The following CLPTM1 variants were observed in gnomAD, a reference collection of about 807,000 sequenced individuals.
The protein encoded by CLPTM1 is CLPTM1 regulator of GABA type A receptor forward trafficking.
CLPTM1 carries 21 observed loss-of-function variants against 77.3 expected under a neutral mutation model. The ratio of observed to expected loss-of-function variants is 0.27; its 90% CI spans 0.19 to 0.39. CLPTM1 has a LOEUF of 0.39. CLPTM1 is among the 10% of genes least tolerant of loss of function. The pLI is 1.00. For missense variants in CLPTM1, 642 were observed against 921.2 expected (o/e 0.70, Z 3.92); for synonymous variants, 373 against 381.0 (o/e 0.98, Z 0.24).
intron 3 of CLPTM1, among the ~76,000 whole-genome samples, chr19:44,973,761 G>GTTTTTTTTTGTTTTT (rs1970759149): frequency 1.6e-5 from 1 of 62,458 alleles, no homozygotes; most frequent in Non-Finnish European, 3.9e-5. Flanking sequence ...GTCACAGTGG[G>GTTTTTTTTTGTTTTT]TTTTTTTTTT....
chr19:44,972,473 T>G (rs893982244), intron 2 of CLPTM1, among the ~76,000 whole-genome samples: 1 of 151,954 alleles, frequency 6.6e-6, no homozygotes, highest in Non-Finnish European at 1.5e-5. Context: ...ATGGTCTCAA[T>G]CTCCTGACCT....
intron 2 of CLPTM1, 82 bp from the exon 3 acceptor site, chr19:44,973,005 G>T: frequency 6.4e-7 from 1 of 1,569,000 alleles, no homozygotes; most frequent in Non-Finnish European, 8.7e-7. Flanking sequence ...GCCAGCATGT[G>T]CTAAGTCAGA....
chr19:44,955,494 G>T, intron 1 of CLPTM1, 27 bp downstream of exon 1: 1 of 1,279,258 alleles, frequency 7.8e-7, no homozygotes. Flanking sequence ...GGGACTGAGG[G>T]GGTTCTTCCC....
rs747351554 is a variant in CLPTM1, at chr19:44,990,987, G to A, written c.1419+42G>A. 6 of 1,334,736 alleles carry A rather than the reference G, an allele frequency of 4.5e-6. No homozygotes were observed. Among genetic ancestry groups the A allele is most frequent in the Non-Finnish European group, 6.0e-6 (6 of 1,000,672 alleles). 82.7% of individuals were successfully genotyped at this position (1,334,736 alleles called of 1,614,324 possible). On this transcript the variant is annotated intron_variant, in intron 11 of 13. Coordinates refer to ENST00000337392, the MANE Select transcript of CLPTM1 (RefSeq NM_001294.4). The surrounding 1 kb of genome is among the most constrained non-coding windows in gnomAD (Gnocchi z 4.8). ...GTGGGCCCCTGGGGGTGGTCTCCAG[G>A]TACCACGTATCCCTGAGGCACCCGG...
In CLPTM1 at chr19:44,993,201, G is replaced by A; in HGVS notation, c.*304G>A. The A allele has an allele frequency of 1.8e-6, 1 of 561,238 alleles. No individual in the cohort carries two copies. The highest frequency in any genetic ancestry group is 4.2e-4 in the Middle Eastern group (1 of 2,356). 34.8% of individuals were successfully genotyped at this position (561,238 alleles called of 1,614,324 possible). A position where few individuals can be genotyped will look rare whatever the true frequency, so the allele number is the denominator to read the frequency against. The stretch of plus-strand genomic sequence containing the variant: ...CCGAGGGGGTGGGTTGGGCGGGGGT[G>A]GGGCCGGGCCCCCCTACGGGATGCC... On this transcript the variant is annotated 3_prime_UTR_variant, in exon 14 of 14. Transcript: ENST00000337392.
intron 3 of CLPTM1, 41 bp downstream of exon 3, chr19:44,973,251 GTGTGGAGGGGTGGAA>G: frequency 6.2e-7 from 1 of 1,613,082 alleles, no homozygotes; most frequent in South Asian, 1.1e-5. Flanking sequence ...AGGTGATGGG[GTGTGGAGGGGTGGAA>G]TGTGGAGGAG....
At chr19:44,983,999 G>T (rs1172392224) in intron 5 of CLPTM1, among the ~76,000 whole-genome samples, 1 of 152,236 alleles carries the variant, frequency 6.6e-6, no homozygotes, top group African/African-American at 2.4e-5. Context: ...CCAGGGCAGA[G>T]GTTGGGAGAT....
chr19:44,990,705 C>T lies in CLPTM1; in HGVS notation c.1323+120C>T, dbSNP rs1015592340. The T allele has an allele frequency of 1.1e-5, 15 of 1,350,308 alleles. No homozygotes were observed. The Admixed American group carries it at 1.8e-4, about 16-fold the overall frequency. The allele number at this position is 1,350,308 out of a possible 1,614,324, so 83.6% of individuals were successfully genotyped here. A position where few individuals can be genotyped will look rare whatever the true frequency, so the allele number is the denominator to read the frequency against. On this transcript the variant is annotated intron_variant, in intron 10 of 13. Transcript: ENST00000337392. This position sits in a 1 kb window ranked among gnomAD's most constrained non-coding sequence, Gnocchi z 4.8. ...CCCAGCAAGTGCCTCACTCCCAGGA[C>T]TGAGGGGATTTTCTCACCAGGGGAT...
chr19:44,986,366 C>G (rs972023313), intron 6 of CLPTM1, 89 bp from the exon 7 acceptor site: 21 of 1,488,398 alleles, frequency 1.4e-5, no homozygotes, highest in Non-Finnish European at 2.7e-6. Flanking sequence ...AAGATTTTCT[C>G]GGGAACCCTG....
rs141852443 is a variant in CLPTM1, at chr19:44,961,819, C to A, written c.73-144C>A. On this transcript the variant is annotated intron_variant, in intron 1 of 13. Transcript: ENST00000337392. ...CCTAAAAGAAGAGGACCGCACCTTC[C>A]CAGGTGTTTTCACTGATTCATTCTC... 1.2e-5 allele frequency: 6 copies of A among 511,916 alleles called. No individual in the cohort carries two copies. The East Asian group carries it at 2.0e-4, about 17-fold the overall frequency. The allele number at this position is 511,916 out of a possible 1,614,324, so 31.7% of individuals were successfully genotyped here.
At chr19:44,966,537 C>T (rs1020520865) in intron 2 of CLPTM1, among the ~76,000 whole-genome samples, 2 of 152,050 alleles carry the variant, frequency 1.3e-5, no homozygotes, top group African/African-American at 2.4e-5. Flanking sequence ...AGTTAGGAGG[C>T]GGGGGGCAGG....
At chr19:44,968,176 A>G (rs527270836) in intron 2 of CLPTM1, among the ~76,000 whole-genome samples, 1 of 152,330 alleles carries the variant, frequency 6.6e-6, no homozygotes, top group South Asian at 2.1e-4. Context: ...ACTAGGCAGC[A>G]TCAAACATCA....
In CLPTM1 at chr19:44,962,036, C is replaced by G; in HGVS notation, c.146C>G (p.Ala49Gly). The change falls in exon 2 of 14, where the codon GCA becomes GGA. Residue 49 changes from alanine (A) to glycine (G), a missense_variant. Physicochemically the swap from Ala to Gly is moderately conservative, Grantham distance 60. Around this residue, in one of 2 missense-constraint regions of CLPTM1, gnomAD observed 121 missense variants for 120.8 expected, o/e 1.00. Transcript: ENST00000337392. ...TQPQNPPAQPAPNAWQVIKGV... is the reference protein window; with the variant it reads ...TQPQNPPAQPGPNAWQVIKGV... ...CCTCAGAACCCACCGGCCCAGCCGG[C>G]ACCCAATGCCTGGCAGGTCATCAAA... 2.5e-6 allele frequency: 4 copies of G among 1,612,006 alleles called. No individual in the cohort carries two copies. The highest frequency in any genetic ancestry group is 3.4e-6 in the Non-Finnish European group (4 of 1,179,316).
Position 44,990,680 on chromosome 19 carries a change from C to T in CLPTM1, c.1323+95C>T. 1.4e-6 allele frequency: 2 copies of T among 1,443,756 alleles called. No homozygotes were observed. Among genetic ancestry groups the T allele is most frequent in the Non-Finnish European group, 1.9e-6 (2 of 1,042,988 alleles). The allele number at this position is 1,443,756 out of a possible 1,614,324, so 89.4% of individuals were successfully genotyped here. ...CCCTGGAGCTGGCCCCCGGGGGATT[C>T]CCAGCAAGTGCCTCACTCCCAGGAC... On this transcript the variant is annotated intron_variant, in intron 10 of 13. Coordinates refer to ENST00000337392, the MANE Select transcript of CLPTM1 (RefSeq NM_001294.4). This position sits in a 1 kb window ranked among gnomAD's most constrained non-coding sequence, Gnocchi z 4.8.
intron 2 of CLPTM1, among the ~76,000 whole-genome samples, chr19:44,962,526 A>G (rs755198624): frequency 2.0e-5 from 3 of 152,050 alleles, no homozygotes; most frequent in African/African-American, 4.8e-5. Context: ...CTGTGTCTTC[A>G]TGTGGTCTTT....
rs1163782401 is a variant in CLPTM1 at position 44,992,953 on chromosome 19, G to A, written c.*56G>A. 6.4e-6 allele frequency: 10 copies of A among 1,561,762 alleles called. No homozygotes were observed. The highest frequency in any genetic ancestry group is 8.7e-6 in the Non-Finnish European group (10 of 1,151,108). On this transcript the variant is annotated 3_prime_UTR_variant, in exon 14 of 14. Coordinates refer to ENST00000337392, the MANE Select transcript of CLPTM1 (RefSeq NM_001294.4). The surrounding 1 kb of genome is among the most constrained non-coding windows in gnomAD (Gnocchi z 7.7). Reference sequence around the variant, plus strand: ...TGGCGACCACTACCCCTGCGTCCCGGCCCCCTCGCCTCCCCTCCCTGTCGC... The same window carrying A: ...TGGCGACCACTACCCCTGCGTCCCGACCCCCTCGCCTCCCCTCCCTGTCGC...
rs1555721350 is a variant in CLPTM1 at position 44,973,765 on chromosome 19, T to TTTTTG, written c.309+559_309+560insGTTTT. Among the ~76,000 whole-genome samples the TTTTTG allele has an allele frequency of 1.7e-3, 221 of 131,670 alleles. 8 individuals are homozygous for TTTTTG. In the South Asian group the frequency reaches 0.046, roughly 27 times the overall value. 86.4% of individuals were successfully genotyped at this position (131,670 alleles called of 152,430 possible). On this transcript the variant is annotated intron_variant, in intron 3 of 13. Coordinates refer to ENST00000337392, the MANE Select transcript of CLPTM1 (RefSeq NM_001294.4). ...GTTCTTGTTGGGTCACAGTGGGTTT[T>TTTTTG]TTTTTTTTTTTTTTTTGAGATGGAG... is the stretch of plus-strand genomic sequence containing the variant.
Position 44,987,325 on chromosome 19 carries a change from C to G in CLPTM1, c.940C>G (p.Arg314Gly). Residue 314 changes from arginine to glycine, a missense_variant, in exon 8 of 14, where the codon CGC becomes GGC. Transcript: ENST00000337392. ...CTCCTTCTGCCCACTCTCGCTTTGGCGCTGGCAGCTCTATGCTGCCCAGAG... is the reference window on the plus strand; with the variant it reads ...CTCCTTCTGCCCACTCTCGCTTTGGGGCTGGCAGCTCTATGCTGCCCAGAG... ...RVSFCPLSLW[R>G]WQLYAAQSTK... 1 of 1,614,262 alleles carries G rather than the reference C, an allele frequency of 6.2e-7. No homozygotes were observed. The highest frequency in any genetic ancestry group is 8.5e-7 in the Non-Finnish European group (1 of 1,180,042).
At position 44,980,263 on chromosome 19, in the gene CLPTM1, C is replaced by A. The variant is rs116315083; in HGVS notation, c.586+2803C>A. ...GTGGCTCATGCCTGGAAACCCAGCA[C>A]TTTGGGAAGCCAAGGCAAGCAGATC... On this transcript the variant is annotated intron_variant, in intron 5 of 13. Coordinates refer to ENST00000337392, the MANE Select transcript of CLPTM1 (RefSeq NM_001294.4). Among the ~76,000 whole-genome samples, 927 of 152,242 alleles carry A rather than the reference C, an allele frequency of 6.1e-3. 12 individuals carry two copies. Among genetic ancestry groups the A allele is most frequent in the African/African-American group, 0.021 (868 of 41,552 alleles).
Sources: allele counts gnomAD v4.1 joint callset (sites outside exome capture counted in the v4.1 genomes callset), GRCh38; gene constraint gnomAD v4.1.1; regional missense constraint gnomAD v4.1.1; non-coding constraint Gnocchi (gnomAD v3.1); transcripts MANE v1.5; gene names NCBI Gene and HGNC (gene_info 2026-07-23, HGNC 2026-07-21).